The following ZBTB38 variants were observed in gnomAD, a reference collection of about 807,000 sequenced individuals.
ZBTB38 encodes zinc finger and BTB domain containing 38.
A neutral mutation model predicts 76.8 loss-of-function variants in ZBTB38; 20 were observed. The observed-to-expected ratio is 0.26, with a 90% confidence interval of 0.18 to 0.38. The LOEUF (loss-of-function observed/expected upper bound fraction) is 0.38. Among genes scored for constraint, ZBTB38 ranks in the 10% least tolerant of loss-of-function variants. ZBTB38 has a pLI of 1.00. For synonymous variants in ZBTB38, 504 were observed against 544.2 expected, an observed-to-expected ratio of 0.93 and a Z score of 1.03; for missense variants, 1,082 against 1,482.3, an observed-to-expected ratio of 0.73 and a Z score of 4.43.
chr3:141,383,306 A>C (rs1158158481), intron 3 of ZBTB38, among the ~76,000 whole-genome samples: 1 of 152,238 alleles, frequency 6.6e-6, no homozygotes, highest in Non-Finnish European at 1.5e-5. Context: ...CAGATGTAAT[A>C]ACCAACCTCA....
Position 141,444,496 on chromosome 3 carries a change from C to T in ZBTB38, c.2108C>T (p.Ala703Val). The T allele has an allele frequency of 6.2e-7, 1 of 1,614,124 alleles. No homozygotes were observed. The highest frequency in any genetic ancestry group is 2.2e-5 in the East Asian group (1 of 44,884). ...TCTTTGAGTAATAGCAGTGAGAATG[C>T]CGCCTCTGTGATCAGCTACAGTGGC... ...VLSLSNSSEN[A>V]ASVISYSGSA... is the part of the protein sequence containing the mutation. Residue 703 changes from alanine to valine, a missense_variant, in exon 6 of 6, where the codon GCC becomes GTC. By Grantham distance (64) the Ala-to-Val change is moderately conservative (BLOSUM62 0). Coordinates refer to ENST00000321464, the MANE Select transcript of ZBTB38 (RefSeq NM_001376113.1). The surrounding 1 kb of genome is among the most constrained non-coding windows in gnomAD (Gnocchi z 5.1).
chr3:141,387,457 A>T (rs1011553582), intron 4 of ZBTB38: 3 of 152,176 alleles, frequency 2.0e-5, no homozygotes, highest in Non-Finnish European at 4.4e-5. Context: ...GGCAAGGTGG[A>T]TTCTATTTTT....
In ZBTB38 at chr3:141,390,552, A is replaced by G. The variant is rs116586782; in HGVS notation, c.-106+3615A>G. Among the ~76,000 whole-genome samples the G allele has an allele frequency of 3.1e-3, 477 of 152,338 alleles. 4 individuals are homozygous for G. The highest frequency in any genetic ancestry group is 0.011 in the African/African-American group (438 of 41,574). The stretch of plus-strand genomic sequence containing the variant: ...CCGGAGATGGACTGGGAATCAGACT[A>G]TGACTTAGAGCCTCTTCACTGTTAT... On this transcript the variant is annotated intron_variant, in intron 4 of 5. Transcript: ENST00000321464.
At chr3:141,361,741 T>C (rs1943832131) in intron 1 of ZBTB38, among the ~76,000 whole-genome samples, 3 of 152,124 alleles carry the variant, frequency 2.0e-5, no homozygotes, top group Non-Finnish European at 4.4e-5. Flanking sequence ...GTGTTGTAAA[T>C]TACAGGAAAG....
At position 141,449,686 on chromosome 3, in the gene ZBTB38, AT is replaced by A. The variant is rs1052533224; in HGVS notation, c.*3713del. 1.9e-4 allele frequency: 29 copies of A among 152,330 alleles called. No homozygotes were observed. Among genetic ancestry groups the A allele is most frequent in the African/African-American group, 6.5e-4 (27 of 41,574 alleles). 9.4% of individuals were successfully genotyped at this position (152,330 alleles called of 1,614,324 possible). On this transcript the variant is annotated 3_prime_UTR_variant, in exon 6 of 6. Transcript: ENST00000321464. ...GCAATCCAAACCAGATTCACCAAAA[AT>A]TTGATAACTGTTATCTGCTAAAACT...
intron 5 of ZBTB38, among the ~76,000 whole-genome samples, chr3:141,416,317 C>A (rs1161401610): frequency 1.3e-5 from 2 of 152,154 alleles, no homozygotes; most frequent in Non-Finnish European, 2.9e-5. Flanking sequence ...CATGGCCTGG[C>A]TTTTTGTGAA....
chr3:141,431,447 G>A (rs1477231146), intron 5 of ZBTB38, among the ~76,000 whole-genome samples: 1 of 150,948 alleles, frequency 6.6e-6, no homozygotes, highest in African/African-American at 2.5e-5. Flanking sequence ...CTCTAAGCCT[G>A]TTTGCCAGAT....
chr3:141,401,967 A>G (rs1952137690), intron 4 of ZBTB38, among the ~76,000 whole-genome samples: 1 of 152,268 alleles, frequency 6.6e-6, no homozygotes, highest in Admixed American at 6.5e-5. Flanking sequence ...CTTTCTGCGA[A>G]TCCAGTGTGC....
At chr3:141,390,835 G>C (rs1257436276) in intron 4 of ZBTB38, among the ~76,000 whole-genome samples, 3 of 152,170 alleles carry the variant, frequency 2.0e-5, no homozygotes, top group African/African-American at 7.2e-5. Context: ...AAGAAGGCAA[G>C]TGCACAGAGG....
At chr3:141,401,570 T>TA (rs2149548485) in intron 4 of ZBTB38, among the ~76,000 whole-genome samples, 1 of 151,876 alleles carries the variant, frequency 6.6e-6, no homozygotes, top group South Asian at 2.1e-4. Flanking sequence ...GCTGAAAACG[T>TA]AAAGAATTGA....
intron 4 of ZBTB38, among the ~76,000 whole-genome samples, chr3:141,398,678 A>G (rs1289147557): frequency 1.3e-5 from 2 of 152,150 alleles, no homozygotes; most frequent in East Asian, 1.9e-4. Flanking sequence ...TAACACTTCT[A>G]TAAGTTTGAA....
chr3:141,367,979 G>A (rs1047413256), upstream of ZBTB38, among the ~76,000 whole-genome samples: 2 of 152,272 alleles, frequency 1.3e-5, no homozygotes, highest in East Asian at 3.9e-4. Context: ...GGTAGGGAGC[G>A]AAGCCCAGGG....
At chr3:141,333,901 C>G (rs1301692041) in intron 1 of ZBTB38, among the ~76,000 whole-genome samples, 1 of 151,708 alleles carries the variant, frequency 6.6e-6, no homozygotes, top group Non-Finnish European at 1.5e-5. Context: ...AGGGTGGAAT[C>G]TGGTTGGCCA....
At chr3:141,422,821 T>A (rs1264043651) in intron 5 of ZBTB38, among the ~76,000 whole-genome samples, 4 of 152,216 alleles carry the variant, frequency 2.6e-5, no homozygotes, top group Non-Finnish European at 5.9e-5. Context: ...ATTGACTGTA[T>A]TTATCACAAT....
chr3:141,348,794 T>C (rs1943437325), intron 1 of ZBTB38, among the ~76,000 whole-genome samples: 1 of 151,986 alleles, frequency 6.6e-6, no homozygotes, highest in Admixed American at 6.6e-5. Flanking sequence ...CCCACTAAAA[T>C]GATAGTAATG....
In ZBTB38 at chr3:141,343,997, A is replaced by G. The variant is rs565256154; in HGVS notation, c.-739+19541A>G. On this transcript the variant is annotated intron_variant, in intron 1 of 7. Coordinates refer to the ZBTB38 transcript ENST00000509842. ...ATTTTGAGGGACTTGCATCTAATCA[A>G]TATGTCCAAAGCACAAAATCGATTC... 2.0e-4 allele frequency among the ~76,000 whole-genome samples: 30 copies of G among 152,304 alleles called. No individual in the cohort carries two copies. In the South Asian group the frequency reaches 4.6e-3, roughly 23 times the overall value.
At chr3:141,406,720 C>A (rs1179663205) in intron 5 of ZBTB38, among the ~76,000 whole-genome samples, 1 of 152,068 alleles carries the variant, frequency 6.6e-6, no homozygotes, top group Non-Finnish European at 1.5e-5. Flanking sequence ...TCTAGGGAAG[C>A]AGATAGAAGT....
At chr3:141,361,222 A>T (rs1943816545) in intron 1 of ZBTB38, among the ~76,000 whole-genome samples, 1 of 152,194 alleles carries the variant, frequency 6.6e-6, no homozygotes, top group African/African-American at 2.4e-5. Flanking sequence ...CATAAAAGTC[A>T]GTGTTTTTAG....
chr3:141,341,274 A>G (rs1054899775), intron 1 of ZBTB38, among the ~76,000 whole-genome samples: 1 of 152,248 alleles, frequency 6.6e-6, no homozygotes, highest in Admixed American at 6.5e-5. Context: ...ACATAAAGTT[A>G]TCACATGACT....
Sources: gnomAD v4.1 joint callset for allele counts (sites outside exome capture counted in the v4.1 genomes callset) on GRCh38, gnomAD v4.1.1 for gene constraint, Gnocchi (gnomAD v3.1) non-coding constraint, MANE v1.5 for transcripts, NCBI Gene and HGNC (gene_info 2026-07-23, HGNC 2026-07-21) for gene names.